The following MAPK6 variants were observed in gnomAD, a reference collection of about 807,000 sequenced individuals.
The protein encoded by MAPK6 is ERK-3.
MAPK6 carries 19 observed loss-of-function variants against 59.3 expected under a neutral mutation model. The ratio of observed to expected loss-of-function variants is 0.32; its 90% confidence interval spans 0.22 to 0.47. The LOEUF (loss-of-function observed/expected upper bound fraction) is 0.47. Ranked by LOEUF, MAPK6 falls within the 20% of genes least tolerant of loss-of-function variation. The pLI is 1.00. For synonymous variants in MAPK6, 316 were observed against 290.3 expected (o/e 1.09, Z -0.90); for missense variants, 724 against 847.9 (o/e 0.85, Z 1.81).
chr15:52,024,107 G>C (rs2030657147), intron 1 of MAPK6, among the ~76,000 whole-genome samples: 1 of 152,158 alleles, frequency 6.6e-6, no homozygotes, highest in Admixed American at 6.5e-5. Flanking sequence ...CCTCAGAAAA[G>C]TCTGCCTCTG....
intron 3 of MAPK6, among the ~76,000 whole-genome samples, chr15:52,013,020 A>AATATATATATATATATAT (rs71130116): frequency 3.1e-4 from 6 of 19,066 alleles, no homozygotes; most frequent in Admixed American, 7.9e-4. Context: ...AAAAAAAAAA[A>AATATATATATATATATAT]ATATATATAT....
Position 51,975,950 on chromosome 15 carries a change from G to C in MAPK6, c.-880+4044G>C, listed in dbSNP as rs2593194. ...GGTGCTATAGGGATATAAAAATAAT[G>C]ACAAACATATTTCTTCATATAAAAG... is the stretch of plus-strand genomic sequence containing the variant. On this transcript the variant is annotated intron_variant, in intron 1 of 7. Transcript: ENST00000691380. Among the ~76,000 whole-genome samples, 6 of 151,588 alleles carry C rather than the reference G, an allele frequency of 4.0e-5. No homozygotes were observed. The East Asian group carries it at 1.2e-3, about 29-fold the overall frequency.
chr15:52,058,462 A>G (rs2141118845), intron 3 of MAPK6, among the ~76,000 whole-genome samples, 171 bp from the exon 4 acceptor site: 3 of 152,344 alleles, frequency 2.0e-5, no homozygotes, highest in African/African-American at 7.2e-5. Context: ...GTAAGCAGAA[A>G]TTGAAATAGA....
At chr15:52,037,028 G>A (rs1178526699) in intron 1 of MAPK6, among the ~76,000 whole-genome samples, 4 of 152,098 alleles carry the variant, frequency 2.6e-5, no homozygotes, top group East Asian at 1.9e-4. Flanking sequence ...GGCCAGATGC[G>A]GGGCTGATCT....
chr15:52,064,463 T>C lies in MAPK6; in HGVS notation c.1629T>C (p.Pro543=). The C allele has an allele frequency of 6.2e-7, 1 of 1,609,150 alleles. No homozygotes were observed. Among genetic ancestry groups the C allele is most frequent in the Non-Finnish European group, 8.5e-7 (1 of 1,178,366 alleles). The change falls in exon 6 of 6, where the codon CCT becomes CCC. Residue 543 remains proline, a synonymous_variant. Transcript: ENST00000261845. The stretch of plus-strand genomic sequence containing the variant: ...TTCAGCTTAGTTCCCAGCATGAGCC[T>C]ACTGATGTTGTTGATAAATTAAATG... ...GTIQLSSQHE[P]TDVVDKLNDL... is the part of the protein sequence containing the mutation.
chr15:52,061,144 C>T (rs77865636), intron 4 of MAPK6, among the ~76,000 whole-genome samples, 155 bp from the exon 5 acceptor site: 2,441 of 152,234 alleles, frequency 0.016, 28 homozygotes, highest in African/African-American at 0.032. Flanking sequence ...AGATGGGGAC[C>T]TATTAGTACA....
intron 1 of MAPK6, among the ~76,000 whole-genome samples, chr15:51,982,389 A>G (rs2057177041): frequency 1.3e-5 from 2 of 152,232 alleles, no homozygotes. Flanking sequence ...TGCAATGGCA[A>G]AAAAGCATTG....
upstream of MAPK6, chr15:52,019,143 G>C (rs895849195): frequency 1.3e-5 from 2 of 152,222 alleles, no homozygotes; most frequent in African/African-American, 4.8e-5. Flanking sequence ...GGTGCGCTGG[G>C]CAGGGCGGGG....
At position 51,993,105 on chromosome 15, in the gene MAPK6, A is replaced by T. The variant is rs1277189644; in HGVS notation, c.-770+9790A>T. ...CAATCACATAGTTGGTTCCCCTGGC[A>T]ACCAGCTCCCATTCTGAGGCTATTC... On this transcript the variant is annotated intron_variant, in intron 2 of 7. Coordinates refer to the MAPK6 transcript ENST00000691380. Among the ~76,000 whole-genome samples the T allele has an allele frequency of 3.3e-5, 5 of 152,292 alleles. No homozygotes were observed. In the East Asian group the frequency reaches 9.7e-4, roughly 29 times the overall value.
chr15:52,018,997 A>C (rs944450470), upstream of MAPK6: 47 of 152,374 alleles, frequency 3.1e-4, 1 homozygote, highest in African/African-American at 1.1e-3. Flanking sequence ...AGTAGAGCAA[A>C]CGGCCCCAGC....
intron 3 of MAPK6, among the ~76,000 whole-genome samples, chr15:52,010,514 C>CTTTTTT (rs762352581): frequency 2.2e-5 from 2 of 91,866 alleles, no homozygotes; most frequent in African/African-American, 4.4e-5. Flanking sequence ...TGCACCCAGC[C>CTTTTTT]TTTTTTTTTT....
chr15:51,979,253 AAG>A (rs957107828), intron 1 of MAPK6, among the ~76,000 whole-genome samples: 6 of 151,364 alleles, frequency 4.0e-5, no homozygotes, highest in African/African-American at 9.7e-5. Flanking sequence ...GAAGGAAAGA[AAG>A]AGAAAGAAAG....
intron 1 of MAPK6, among the ~76,000 whole-genome samples, chr15:51,980,719 T>C (rs1842115877): frequency 6.6e-6 from 1 of 151,112 alleles, no homozygotes; most frequent in African/African-American, 2.4e-5. Context: ...GCCTCCCCAG[T>C]AGCTGGGACT....
At chr15:52,031,315 A>T (rs2031024972) in intron 1 of MAPK6, among the ~76,000 whole-genome samples, 1 of 152,168 alleles carries the variant, frequency 6.6e-6, no homozygotes, top group Admixed American at 6.5e-5. Flanking sequence ...ACTTGTCAAT[A>T]AAAAAATAAG....
chr15:52,008,616 A>G (rs2029973595), intron 3 of MAPK6, among the ~76,000 whole-genome samples: 2 of 152,152 alleles, frequency 1.3e-5, no homozygotes, highest in South Asian at 4.1e-4. Context: ...TGACTTCACT[A>G]CACAACACGA....
intron 1 of MAPK6, among the ~76,000 whole-genome samples, chr15:51,980,300 A>G (rs2912190): frequency 0.35 from 53,177 of 150,528 alleles, 10,141 homozygotes; most frequent in Admixed American, 0.43. Flanking sequence ...TCTTAAAAAA[A>G]AAAAAGAAAA....
At chr15:52,029,212 A>G (rs999984817) in intron 1 of MAPK6, among the ~76,000 whole-genome samples, 1 of 151,864 alleles carries the variant, frequency 6.6e-6, no homozygotes, top group Non-Finnish European at 1.5e-5. Flanking sequence ...TAATTTTTGT[A>G]TTTTTAGTAG....
intron 3 of MAPK6, among the ~76,000 whole-genome samples, chr15:52,052,680 G>T (rs955518581): frequency 9.9e-5 from 15 of 152,136 alleles, no homozygotes; most frequent in African/African-American, 3.4e-4. Flanking sequence ...CTTTCATGTA[G>T]CAATATTTTG....
chr15:51,976,859 G>A (rs1253708769), intron 1 of MAPK6, among the ~76,000 whole-genome samples: 1 of 151,616 alleles, frequency 6.6e-6, no homozygotes, highest in Admixed American at 6.6e-5. Context: ...CAGGAGAATC[G>A]CTTCAACCCG....
Sources: allele counts gnomAD v4.1 joint callset (sites outside exome capture counted in the v4.1 genomes callset), GRCh38; gene constraint gnomAD v4.1.1; transcripts MANE v1.5; gene names NCBI Gene and HGNC (gene_info 2026-07-23, HGNC 2026-07-21).